ZNF649: variants seen among roughly 807,000 people sequenced by gnomAD.
ZNF649 encodes the protein zinc finger protein 649.
A neutral mutation model predicts 14.1 loss-of-function variants in ZNF649; 7 were observed. The observed-to-expected ratio is 0.49, with a 90% CI of 0.28 to 0.93. The LOEUF (loss-of-function observed/expected upper bound fraction) is 0.93, where lower values mean the gene tolerates loss of function less well. ZNF649 is among the 40% of genes least tolerant of loss of function. The pLI, the probability that ZNF649 is intolerant of heterozygous loss-of-function variation, is 0.10. For missense variants in ZNF649, 544 were observed against 608.1 expected, an observed-to-expected ratio of 0.89 and a Z score of 1.11; for synonymous variants, 227 against 212.3, an observed-to-expected ratio of 1.07 and a Z score of -0.60.
chr19:51,891,031 T>C lies in ZNF649; in HGVS notation c.1105A>G (p.Thr369Ala). The stretch of plus-strand genomic sequence containing the variant: ...GGACATACAAAGGGAGTCTTTCCTG[T>C]ATGATATCTCTGATGTGCTACAAGG... ...SCLVAHQRYH[T>A]GKTPFVCPEC... The change falls in exon 5 of 5, where the codon ACA becomes GCA. Residue 369 changes from threonine (T) to alanine (A), a missense_variant. Thr to Ala is a moderately conservative substitution (Grantham distance 58). Coordinates refer to ENST00000354957, the MANE Select transcript of ZNF649 (RefSeq NM_023074.4). The surrounding 1 kb of genome is among the most constrained non-coding windows in gnomAD (Gnocchi z 4.2). 1 of 1,614,240 alleles carries C rather than the reference T, an allele frequency of 6.2e-7. No homozygotes were observed. Among genetic ancestry groups the C allele is most frequent in the Non-Finnish European group, 8.5e-7 (1 of 1,180,032 alleles).
chr19:51,901,151 T>C (rs939439005), intron 1 of ZNF649, among the ~76,000 whole-genome samples: 4 of 152,186 alleles, frequency 2.6e-5, no homozygotes, highest in African/African-American at 7.2e-5. Flanking sequence ...AGAGAGATTG[T>C]GTGCCATGGT....
chr19:51,900,023 A>G, intron 2 of ZNF649, 70 bp downstream of exon 2: 1 of 1,367,024 alleles, frequency 7.3e-7, no homozygotes, highest in Non-Finnish European at 9.8e-7. Flanking sequence ...AATGTAAATG[A>G]ACTGATTTCT....
intron 2 of ZNF649, among the ~76,000 whole-genome samples, chr19:51,897,977 G>A (rs1477076309): frequency 6.6e-6 from 1 of 151,358 alleles, no homozygotes; most frequent in Non-Finnish European, 1.5e-5. Context: ...CAAAAATTAG[G>A]TGGGCATGGT....
In ZNF649 at chr19:51,903,827, G is replaced by T. The variant is rs529894240; in HGVS notation, c.-188+1087C>A. Among the ~76,000 whole-genome samples, 23 of 152,264 alleles carry T rather than the reference G, an allele frequency of 1.5e-4. 1 individual carries two copies. In the South Asian group the frequency reaches 4.8e-3, roughly 32 times the overall value. On this transcript the variant is annotated intron_variant, in intron 1 of 4. Transcript: ENST00000354957. ...GAGCTAGATTCCGTCTGGGGGATAG[G>T]AGGAAACTTTGATCCCCAAATGCTC...
rs1452722571 is a variant in ZNF649, at chr19:51,891,951, T to C, written c.239-54A>G. On this transcript the variant is annotated intron_variant, in intron 4 of 4. Transcript: ENST00000354957. The surrounding 1 kb of genome is among the most constrained non-coding windows in gnomAD (Gnocchi z 4.2). Reference sequence around the variant, plus strand: ...TGATCATCACACGGAATAAAACTGCTTCAAAGATGCCTTGGGGTTGGCTGG... The same window carrying C: ...TGATCATCACACGGAATAAAACTGCCTCAAAGATGCCTTGGGGTTGGCTGG... The C allele has an allele frequency of 6.7e-7, 1 of 1,498,198 alleles. No homozygotes were observed. Among genetic ancestry groups the C allele is most frequent in the East Asian group, 2.3e-5 (1 of 42,842 alleles). The allele number at this position is 1,498,198 out of a possible 1,614,324, so 92.8% of individuals were successfully genotyped here. A position where few individuals can be genotyped will look rare whatever the true frequency, so the allele number is the denominator to read the frequency against.
chr19:51,890,270 CAA>C lies in ZNF649; in HGVS notation c.*346_*347del, dbSNP rs2085010123. On this transcript the variant is annotated 3_prime_UTR_variant, in exon 5 of 5. Transcript: ENST00000354957. ...ATTTTCATGTACATATGTGTATACACAAAAAGATTTGTGAACTTGAACAAGGC... is the reference window on the plus strand; with the variant it reads ...ATTTTCATGTACATATGTGTATACACAAAGATTTGTGAACTTGAACAAGGC... 4.8e-6 allele frequency: 1 copy of C among 208,518 alleles called. No homozygotes were observed. The highest frequency in any genetic ancestry group is 9.7e-6 in the Non-Finnish European group (1 of 102,782). 12.9% of individuals were successfully genotyped at this position (208,518 alleles called of 1,614,324 possible).
chr19:51,901,247 T>G (rs749405716), intron 1 of ZNF649, among the ~76,000 whole-genome samples: 1 of 152,134 alleles, frequency 6.6e-6, no homozygotes, highest in Non-Finnish European at 1.5e-5. Flanking sequence ...GTGTTCAGGA[T>G]AAATCACATT....
intron 4 of ZNF649, 109 bp from the exon 5 acceptor site, chr19:51,892,006 A>G (rs1052728080): frequency 7.7e-5 from 95 of 1,231,642 alleles, no homozygotes; most frequent in Non-Finnish European, 9.4e-5. Context: ...TAATACCAAC[A>G]TGGAAGGAAT....
At chr19:51,895,219 A>G (rs2085053294) in intron 4 of ZNF649, among the ~76,000 whole-genome samples, 1 of 152,214 alleles carries the variant, frequency 6.6e-6, no homozygotes, top group African/African-American at 2.4e-5. Flanking sequence ...ATATTATTAT[A>G]TTGTAGTGTA....
At chr19:51,903,746 G>C (rs1314244820) in intron 1 of ZNF649, among the ~76,000 whole-genome samples, 3 of 152,186 alleles carry the variant, frequency 2.0e-5, no homozygotes, top group African/African-American at 7.2e-5. Context: ...TAGAACCCAG[G>C]AGGCGGAGGT....
At position 51,891,864 on chromosome 19, in the gene ZNF649, G is replaced by C; in HGVS notation, c.272C>G (p.Pro91Arg). Residue 91 changes from proline to arginine, a missense_variant, in exon 5 of 5, where the codon CCC becomes CGC. Physicochemically the swap from Pro to Arg is moderately radical, Grantham distance 103. Coordinates refer to ENST00000354957, the MANE Select transcript of ZNF649 (RefSeq NM_023074.4). This position sits in a 1 kb window ranked among gnomAD's most constrained non-coding sequence, Gnocchi z 4.2. The stretch of plus-strand genomic sequence containing the variant: ...CTTCAGTATTTTTTGGTTTTGCAAG[G>C]GCTGCTGCAGATGATCATCAGCTTT... ...IEKADDHLQQ[P>R]LQNQKILKRT... 1 of 1,574,896 alleles carries C rather than the reference G, an allele frequency of 6.3e-7. No homozygotes were observed. Among genetic ancestry groups the C allele is most frequent in the Non-Finnish European group, 8.6e-7 (1 of 1,167,608 alleles).
intron 2 of ZNF649, chr19:51,899,760 G>A (rs1303149816): frequency 2.3e-5 from 6 of 264,576 alleles, no homozygotes; most frequent in East Asian, 6.8e-5. Flanking sequence ...GAACGGACCC[G>A]CTTTCTCCTC....
chr19:51,894,158 A>G (rs1458853742), intron 4 of ZNF649, among the ~76,000 whole-genome samples: 10 of 150,380 alleles, frequency 6.6e-5, no homozygotes, highest in Admixed American at 6.6e-4. Flanking sequence ...TTTGAGATGG[A>G]GTCTTGCTCT....
Position 51,899,747 on chromosome 19 carries a change from G to A in ZNF649, c.15+346C>T, listed in dbSNP as rs548188352. On this transcript the variant is annotated intron_variant, in intron 2 of 4. Coordinates refer to ENST00000354957, the MANE Select transcript of ZNF649 (RefSeq NM_023074.4). ...GTGCCATGAAATACTGACATCCCCT[G>A]AGGAACGGACCCGCTTTCTCCTCAG... is the stretch of plus-strand genomic sequence containing the variant. 3.7e-5 allele frequency: 9 copies of A among 243,422 alleles called. No homozygotes were observed. In the South Asian group the frequency reaches 1.6e-3, roughly 43 times the overall value. The allele number at this position is 243,422 out of a possible 1,614,324, so 15.1% of individuals were successfully genotyped here. A position where few individuals can be genotyped will look rare whatever the true frequency, so the allele number is the denominator to read the frequency against.
rs762808376 is a variant in ZNF649 at position 51,891,826 on chromosome 19, G to A, written c.310C>T (p.Arg104Cys). 1.6e-5 allele frequency: 25 copies of A among 1,610,736 alleles called. No homozygotes were observed. Among genetic ancestry groups the A allele is most frequent in the East Asian group, 6.7e-5 (3 of 44,882 alleles). ...TTCAAAGTTCTTCCGTGTTCATAGC[G>A]TTGTCCCGTCCTCTTCAGTATTTTT... ...NQKILKRTGQ[R>C]YEHGRTLKSY... The change falls in exon 5 of 5, where the codon CGC becomes TGC. Residue 104 changes from arginine (R) to cysteine (C), a missense_variant. Coordinates refer to ENST00000354957, the MANE Select transcript of ZNF649 (RefSeq NM_023074.4). This position sits in a 1 kb window ranked among gnomAD's most constrained non-coding sequence, Gnocchi z 4.2.
Position 51,890,526 on chromosome 19 carries a change from T to C in ZNF649, c.*92A>G, listed in dbSNP as rs866671105. On this transcript the variant is annotated 3_prime_UTR_variant, in exon 5 of 5. Coordinates refer to ENST00000354957, the MANE Select transcript of ZNF649 (RefSeq NM_023074.4). Reference sequence around the variant, plus strand: ...ATATTTCATATCTTGTAAACCCTACTATACATATTAGTGCAGGGAGCCAAA... The same window carrying C: ...ATATTTCATATCTTGTAAACCCTACCATACATATTAGTGCAGGGAGCCAAA... 34 of 775,240 alleles carry C rather than the reference T, an allele frequency of 4.4e-5. 1 individual carries two copies. The Admixed American group carries it at 5.1e-4, about 12-fold the overall frequency. 48.0% of individuals were successfully genotyped at this position (775,240 alleles called of 1,614,324 possible).
At chr19:51,897,139 T>G (rs779574288) in intron 2 of ZNF649, 161 bp from the exon 3 acceptor site, 26 of 924,896 alleles carry the variant, frequency 2.8e-5, no homozygotes, top group Admixed American at 2.4e-4. Context: ...ACCGAAATTG[T>G]GCATACTCAT....
rs2085086647 is a variant in ZNF649 at position 51,900,118 on chromosome 19, T to G, written c.-11A>C. 2 of 1,505,844 alleles carry G rather than the reference T, an allele frequency of 1.3e-6. No homozygotes were observed. Among genetic ancestry groups the G allele is most frequent in the Admixed American group, 4.1e-5 (2 of 48,564 alleles). The allele number at this position is 1,505,844 out of a possible 1,614,324, so 93.3% of individuals were successfully genotyped here. On this transcript the variant is annotated 5_prime_UTR_variant, in exon 2 of 5. Transcript: ENST00000354957. ...CTGGGCCTTTGTCATTTTCTTCTGT[T>G]TCAGGAAATACCCAAGAACTGGGAT...
intron 2 of ZNF649, among the ~76,000 whole-genome samples, chr19:51,897,792 A>G (rs1439098521): frequency 6.6e-6 from 1 of 152,184 alleles, no homozygotes; most frequent in Non-Finnish European, 1.5e-5. Flanking sequence ...TTTTCACACT[A>G]TGTGTACTAT....
Sources: gnomAD v4.1 joint callset for allele counts (sites outside exome capture counted in the v4.1 genomes callset) on GRCh38, gnomAD v4.1.1 for gene constraint, Gnocchi (gnomAD v3.1) non-coding constraint, MANE v1.5 for transcripts, NCBI Gene and HGNC (gene_info 2026-07-23, HGNC 2026-07-21) for gene names.